The following ADARB2 variants were observed in gnomAD, a reference collection of about 807,000 sequenced individuals.
The protein encoded by ADARB2 is adenosine deaminase RNA specific B2 (inactive), also known as inactive double-stranded RNA-specific editase B2.
ADARB2 carries 25 observed loss-of-function variants against 62.2 expected under a neutral mutation model. That is an observed-to-expected ratio of 0.40 (90% CI 0.29 to 0.56). ADARB2 has a LOEUF of 0.56. Among genes scored for constraint, ADARB2 ranks in the 20% least tolerant of loss-of-function variants. The probability of loss-of-function intolerance (pLI) is 0.43; values close to 1 mark genes in which losing one functional copy is unlikely to be tolerated. For synonymous variants in ADARB2, 572 were observed against 500.8 expected (o/e 1.14, Z -1.90); for missense variants, 1,071 against 1,077.4 (o/e 0.99, Z 0.08).
chr10:1,667,231 C>T (rs559826030), intron 1 of ADARB2, among the ~76,000 whole-genome samples: 8 of 152,270 alleles, frequency 5.3e-5, no homozygotes, highest in Non-Finnish European at 1.2e-4. Flanking sequence ...TCAGATATTG[C>T]GAGCTTACAA....
intron 8 of ADARB2, among the ~76,000 whole-genome samples, chr10:1,196,011 A>G (rs953698851): frequency 6.6e-5 from 10 of 152,104 alleles, no homozygotes; most frequent in African/African-American, 1.7e-4. Flanking sequence ...CAGCCTTTCC[A>G]GAGTGCCTCT....
intron 1 of ADARB2, among the ~76,000 whole-genome samples, chr10:1,604,145 C>A (rs187043396): frequency 1.3e-5 from 2 of 152,256 alleles, no homozygotes; most frequent in East Asian, 3.9e-4. Flanking sequence ...AATACTCAGT[C>A]ATCAATCAGC....
chr10:1,515,587 C>G (rs573742777), intron 1 of ADARB2, among the ~76,000 whole-genome samples: 1 of 152,312 alleles, frequency 6.6e-6, no homozygotes, highest in East Asian at 1.9e-4. Context: ...TCCCCAGGCC[C>G]CAGAGTGACC....
At chr10:1,314,059 G>C (rs1488515745) in intron 3 of ADARB2, among the ~76,000 whole-genome samples, 1 of 152,242 alleles carries the variant, frequency 6.6e-6, no homozygotes, top group Non-Finnish European at 1.5e-5. Flanking sequence ...CACAGCTCAG[G>C]AGCCCTGTGG....
chr10:1,652,368 G>A (rs978763606), intron 1 of ADARB2, among the ~76,000 whole-genome samples: 5 of 152,176 alleles, frequency 3.3e-5, no homozygotes, highest in African/African-American at 4.8e-5. Flanking sequence ...AATTCATTCC[G>A]TGTAATCTCA....
At chr10:1,442,307 G>A (rs1366875848) in intron 1 of ADARB2, among the ~76,000 whole-genome samples, 2 of 152,162 alleles carry the variant, frequency 1.3e-5, no homozygotes, top group African/African-American at 4.8e-5. Context: ...TCCCTGGTTA[G>A]GTCTTGTCTG....
chr10:1,458,224 G>A (rs1020361480), intron 1 of ADARB2, among the ~76,000 whole-genome samples: 13 of 152,072 alleles, frequency 8.5e-5, no homozygotes, highest in African/African-American at 2.2e-4. Context: ...GAAGAACAGC[G>A]TGCACCCACA....
At chr10:1,633,406 G>A (rs1049046406) in intron 1 of ADARB2, among the ~76,000 whole-genome samples, 4 of 152,324 alleles carry the variant, frequency 2.6e-5, no homozygotes, top group Non-Finnish European at 5.9e-5. Flanking sequence ...GAATATTTCA[G>A]ATCTTGGATT....
Position 1,701,123 on chromosome 10 carries a change from G to A in ADARB2, c.100+35928C>T, listed in dbSNP as rs1221471673. 1.6e-3 allele frequency among the ~76,000 whole-genome samples: 3 copies of A among 1,920 alleles called. 1 individual carries two copies. The highest frequency in any genetic ancestry group is 1.7e-3 in the African/African-American group (3 of 1,734). The allele number at this position is 1,920 out of a possible 152,430, so 1.3% of individuals were successfully genotyped here. A position where few individuals can be genotyped will look rare whatever the true frequency, so the allele number is the denominator to read the frequency against. Reference sequence around the variant, plus strand: ...CGCAATCCCACTCTACCAGGAGACCGGGCACTCGCCAATACACACAATCCC... The same window carrying A: ...CGCAATCCCACTCTACCAGGAGACCAGGCACTCGCCAATACACACAATCCC... On this transcript the variant is annotated intron_variant, in intron 1 of 9. Transcript: ENST00000381312.
chr10:1,512,020 G>T (rs1182445832), intron 1 of ADARB2, among the ~76,000 whole-genome samples: 1 of 149,960 alleles, frequency 6.7e-6, no homozygotes, highest in Non-Finnish European at 1.5e-5. Flanking sequence ...ATACCAAGAG[G>T]TCAATGCTGT....
intron 1 of ADARB2, among the ~76,000 whole-genome samples, chr10:1,570,447 GGCA>G (rs1832919916): frequency 7.2e-5 from 1 of 13,950 alleles, no homozygotes; most frequent in Admixed American, 1.0e-3. Context: ...AAGCAGGACG[GGCA>G]GGCACCATGC....
intron 1 of ADARB2, among the ~76,000 whole-genome samples, chr10:1,508,692 T>C (rs11250573): frequency 6.6e-6 from 1 of 152,118 alleles, no homozygotes; most frequent in Non-Finnish European, 1.5e-5. Context: ...GGTGGGAGAA[T>C]CGCTTGAATC....
At chr10:1,307,171 G>T (rs554592245) in intron 3 of ADARB2, among the ~76,000 whole-genome samples, 1 of 102,180 alleles carries the variant, frequency 9.8e-6, no homozygotes, top group African/African-American at 2.9e-5. Flanking sequence ...GAAAATTTTC[G>T]CAACCTACGC....
intron 1 of ADARB2, among the ~76,000 whole-genome samples, chr10:1,464,873 G>C (rs1218974345): frequency 6.6e-6 from 1 of 152,206 alleles, no homozygotes; most frequent in East Asian, 1.9e-4. Context: ...ACTCGGCGGA[G>C]GCCCCGGTGA....
intron 1 of ADARB2, among the ~76,000 whole-genome samples, chr10:1,691,162 G>T (rs1300834564): frequency 6.6e-6 from 1 of 152,094 alleles, no homozygotes; most frequent in African/African-American, 2.4e-5. Context: ...CATCCAATAG[G>T]ACTTGGGTCC....
chr10:1,443,520 G>A (rs1052135079), intron 1 of ADARB2, among the ~76,000 whole-genome samples: 7 of 152,080 alleles, frequency 4.6e-5, no homozygotes, highest in Non-Finnish European at 8.8e-5. Flanking sequence ...CAGTTTTCAA[G>A]TTCTTCAGCT....
chr10:1,515,408 C>T (rs1588284212), intron 1 of ADARB2, among the ~76,000 whole-genome samples: 2 of 152,338 alleles, frequency 1.3e-5, no homozygotes, highest in East Asian at 1.9e-4. Flanking sequence ...TGGCTGCCGC[C>T]GTGACCCAGT....
chr10:1,626,721 C>A (rs1198759347), intron 1 of ADARB2, among the ~76,000 whole-genome samples: 1 of 152,194 alleles, frequency 6.6e-6, no homozygotes, highest in Non-Finnish European at 1.5e-5. Flanking sequence ...TACACACGTC[C>A]CGGCTTGTCG....
At chr10:1,400,968 G>A (rs1832656506) in intron 1 of ADARB2, among the ~76,000 whole-genome samples, 1 of 152,172 alleles carries the variant, frequency 6.6e-6, no homozygotes, top group South Asian at 2.1e-4. Context: ...GAAGGCCTGA[G>A]AATCATCACT....
Sources: gnomAD v4.1 joint callset for allele counts (sites outside exome capture counted in the v4.1 genomes callset) on GRCh38, gnomAD v4.1.1 for gene constraint, MANE v1.5 for transcripts, NCBI Gene and HGNC (gene_info 2026-07-23, HGNC 2026-07-21) for gene names.